SYNDIG1: variants seen among roughly 807,000 people sequenced by gnomAD.
The protein encoded by SYNDIG1 is synapse differentiation-inducing gene protein 1.
In SYNDIG1, 9 loss-of-function variants were observed where a neutral mutation model predicts 19.4. That is an observed-to-expected ratio of 0.46 (90% CI 0.28 to 0.81). The LOEUF (loss-of-function observed/expected upper bound fraction) is 0.81. Among genes scored for constraint, SYNDIG1 ranks in the 30% least tolerant of loss-of-function variants. The pLI, the probability that SYNDIG1 is intolerant of heterozygous loss-of-function variation, is 0.12. For missense variants in SYNDIG1, 311 were observed against 343.3 expected (o/e 0.91, Z 0.74); for synonymous variants, 141 against 145.9 (o/e 0.97, Z 0.24).
chr20:24,577,766 A>G (rs924799260), intron 2 of SYNDIG1, among the ~76,000 whole-genome samples: 7 of 152,228 alleles, frequency 4.6e-5, no homozygotes, highest in Non-Finnish European at 1.0e-4. Flanking sequence ...TGGCCAAGTC[A>G]TCATTCTCAC....
At chr20:24,470,173 C>T (rs1248798969) in intron 1 of SYNDIG1, among the ~76,000 whole-genome samples, 5 of 152,172 alleles carry the variant, frequency 3.3e-5, no homozygotes, top group Non-Finnish European at 5.9e-5. Flanking sequence ...GCGCGGCGGG[C>T]CAAGGCTCTG....
At chr20:24,587,747 A>T (rs2058441207) in intron 3 of SYNDIG1, among the ~76,000 whole-genome samples, 1 of 152,174 alleles carries the variant, frequency 6.6e-6, no homozygotes, top group Admixed American at 6.5e-5. Context: ...GGTCAAGGGG[A>T]TGATGCACCT....
chr20:24,640,518 GA>G (rs60964177), intron 3 of SYNDIG1, among the ~76,000 whole-genome samples: 8,612 of 135,562 alleles, frequency 0.064, 369 homozygotes, highest in East Asian at 0.14. Context: ...AGGAAGGAAG[GA>G]AGGAAGGAAG....
chr20:24,619,367 T>G (rs887837738), intron 3 of SYNDIG1, among the ~76,000 whole-genome samples: 8 of 152,218 alleles, frequency 5.3e-5, no homozygotes, highest in African/African-American at 1.9e-4. Flanking sequence ...CTGGGCCCAC[T>G]GGTCATTGTC....
At chr20:24,558,109 G>C (rs1045803595) in intron 2 of SYNDIG1, among the ~76,000 whole-genome samples, 33 of 152,318 alleles carry the variant, frequency 2.2e-4, no homozygotes, top group African/African-American at 7.9e-4. Flanking sequence ...GAGGGGCTTG[G>C]TGTCTCATAG....
chr20:24,521,930 G>A (rs934861944), intron 1 of SYNDIG1, among the ~76,000 whole-genome samples: 9 of 149,302 alleles, frequency 6.0e-5, no homozygotes, highest in Non-Finnish European at 1.2e-4. Flanking sequence ...GTAATACCCC[G>A]AAATAGTAAT....
At chr20:24,477,623 C>T (rs897299240) in intron 1 of SYNDIG1, among the ~76,000 whole-genome samples, 2 of 152,194 alleles carry the variant, frequency 1.3e-5, no homozygotes, top group Non-Finnish European at 2.9e-5. Flanking sequence ...ATCATCTTGT[C>T]CTCCAGTGAT....
At chr20:24,628,947 A>G (rs536583818) in intron 3 of SYNDIG1, among the ~76,000 whole-genome samples, 2 of 152,290 alleles carry the variant, frequency 1.3e-5, no homozygotes, top group African/African-American at 4.8e-5. Context: ...GGATTCTAAG[A>G]TCTAGACCCT....
chr20:24,652,437 T>C (rs925196123), intron 3 of SYNDIG1, among the ~76,000 whole-genome samples: 1 of 152,120 alleles, frequency 6.6e-6, no homozygotes, highest in African/African-American at 2.4e-5. Flanking sequence ...AACCTACAAG[T>C]CAGAAGGGCC....
intron 1 of SYNDIG1, among the ~76,000 whole-genome samples, chr20:24,505,832 TGACAATAGA>T (rs531312957): frequency 1.0e-3 from 152 of 152,362 alleles, no homozygotes; most frequent in Non-Finnish European, 1.9e-4. Context: ...CAAAAAATCC[TGACAATAGA>T]GACATGCCAT....
chr20:24,527,089 C>T (rs547795870), intron 1 of SYNDIG1, among the ~76,000 whole-genome samples: 1 of 152,274 alleles, frequency 6.6e-6, no homozygotes, highest in African/African-American at 2.4e-5. Flanking sequence ...TGCGGCTTCT[C>T]TCCCAGGAGT....
At chr20:24,534,137 C>A (rs1376493267) in intron 1 of SYNDIG1, among the ~76,000 whole-genome samples, 1 of 152,168 alleles carries the variant, frequency 6.6e-6, no homozygotes, top group Non-Finnish European at 1.5e-5. Context: ...AGGGAGGGCA[C>A]CTCGTTCCCG....
At chr20:24,660,649 G>A (rs62215349) in intron 3 of SYNDIG1, among the ~76,000 whole-genome samples, 11,104 of 152,282 alleles carry the variant, frequency 0.073, 441 homozygotes, top group Non-Finnish European at 0.089. Flanking sequence ...TTGTGCTCTC[G>A]TACACGGCTT....
chr20:24,590,638 G>A (rs1005330556), intron 3 of SYNDIG1, among the ~76,000 whole-genome samples: 2 of 152,134 alleles, frequency 1.3e-5, no homozygotes, highest in Non-Finnish European at 2.9e-5. Flanking sequence ...GAAAGGAAGA[G>A]GGAAGGGAGG....
intron 1 of SYNDIG1, among the ~76,000 whole-genome samples, chr20:24,487,245 A>C (rs2055993203): frequency 6.6e-6 from 1 of 152,194 alleles, no homozygotes; most frequent in South Asian, 2.1e-4. Context: ...ATATGCTTAA[A>C]ATTTGTCTTA....
chr20:24,545,155 G>A (rs576379970), intron 2 of SYNDIG1, among the ~76,000 whole-genome samples: 1 of 152,306 alleles, frequency 6.6e-6, no homozygotes, highest in African/African-American at 2.4e-5. Flanking sequence ...AGTCAGGAGG[G>A]AGGATTAGAA....
intron 1 of SYNDIG1, among the ~76,000 whole-genome samples, chr20:24,477,546 G>A (rs543418732): frequency 1.3e-5 from 2 of 152,240 alleles, no homozygotes; most frequent in Non-Finnish European, 2.9e-5. Flanking sequence ...TGGGAACAAA[G>A]GGCTTCCTGA....
chr20:24,650,682 G>A (rs2059462070), intron 3 of SYNDIG1, among the ~76,000 whole-genome samples: 1 of 152,236 alleles, frequency 6.6e-6, no homozygotes, highest in African/African-American at 2.4e-5. Context: ...CTTGCCAGCT[G>A]TAATGGTTCT....
intron 2 of SYNDIG1, among the ~76,000 whole-genome samples, chr20:24,549,785 AGTGGTAGAG>A (rs1031356417): frequency 5.9e-5 from 9 of 152,090 alleles, no homozygotes; most frequent in African/African-American, 2.2e-4. Flanking sequence ...AGTTTTTTTG[AGTGGTAGAG>A]GTGGTTTTCA....
Sources: allele counts gnomAD v4.1 joint callset (sites outside exome capture counted in the v4.1 genomes callset), GRCh38; gene constraint gnomAD v4.1.1; transcripts MANE v1.5; gene names NCBI Gene and HGNC (gene_info 2026-07-23, HGNC 2026-07-21).